Variants in BAIAP2L2 observed in about 807,000 individuals in gnomAD.
BAIAP2L2 encodes the protein BAR/IMD domain containing adaptor protein 2 like 2, also known as BAR/IMD domain-containing adapter protein 2-like 2.
A neutral mutation model predicts 60.4 loss-of-function variants in BAIAP2L2; 65 were observed. That is an observed-to-expected ratio of 1.08 (90% CI 0.88 to 1.32). BAIAP2L2 has a LOEUF of 1.32. BAIAP2L2 is among the 40% of genes most tolerant of loss of function. BAIAP2L2 has a pLI of 0.00. For synonymous variants in BAIAP2L2, 344 were observed against 301.7 expected (o/e 1.14, Z -1.45); for missense variants, 836 against 741.2 (o/e 1.13, Z -1.48).
chr22:38,098,035 G>C, intron 6 of BAIAP2L2, 28 bp downstream of exon 6: 2 of 977,974 alleles, frequency 2.0e-6, no homozygotes, highest in Non-Finnish European at 1.6e-6. Context: ...GCCCTTCCTG[G>C]CCCACCCCCG....
At chr22:38,101,724 C>T (rs1260812060) in intron 4 of BAIAP2L2, among the ~76,000 whole-genome samples, 19 of 151,774 alleles carry the variant, frequency 1.3e-4, no homozygotes, top group Non-Finnish European at 2.6e-4. Flanking sequence ...CATGGTGGCA[C>T]GCGCCTATAA....
intron 4 of BAIAP2L2, among the ~76,000 whole-genome samples, chr22:38,100,160 T>A (rs985268766): frequency 4.6e-5 from 7 of 152,056 alleles, no homozygotes; most frequent in African/African-American, 1.7e-4. Context: ...AAATGCCAGG[T>A]AGATGCTTCT....
intron 8 of BAIAP2L2, 130 bp from the exon 9 acceptor site, chr22:38,089,361 G>C (rs1225865856): frequency 2.1e-5 from 12 of 563,710 alleles, no homozygotes; most frequent in South Asian, 8.9e-5. Flanking sequence ...GGGCCACCAC[G>C]GGGGCGCGGA....
intron 11 of BAIAP2L2, 120 bp downstream of exon 11, chr22:38,087,004 A>AAAAC: frequency 1.6e-6 from 2 of 1,277,544 alleles, no homozygotes. Context: ...TCAAAAAAAA[A>AAAAC]AAAACAAAAC....
intron 4 of BAIAP2L2, among the ~76,000 whole-genome samples, chr22:38,105,339 CTT>C (rs1035690122): frequency 6.3e-5 from 6 of 95,008 alleles, no homozygotes; most frequent in South Asian, 9.3e-4. Context: ...TTTTTCTTTT[CTT>C]TTTTTTTTTT....
rs1475204907 is a variant in BAIAP2L2 at position 38,109,895 on chromosome 22, C to T, written c.51+580G>A. Among the ~76,000 whole-genome samples, 3 of 151,044 alleles carry T rather than the reference C, an allele frequency of 2.0e-5. No individual in the cohort carries two copies. In the East Asian group the frequency reaches 6.0e-4, roughly 30 times the overall value. ...TCTATCAAGCAGGGTGGTCATTTTCCACCTCACAGGTGGGTGGTGTGAGGC... is the reference window on the plus strand; with the variant it reads ...TCTATCAAGCAGGGTGGTCATTTTCTACCTCACAGGTGGGTGGTGTGAGGC... On this transcript the variant is annotated intron_variant, in intron 1 of 13. Coordinates refer to ENST00000381669, the MANE Select transcript of BAIAP2L2 (RefSeq NM_025045.6).
intron 9 of BAIAP2L2, 42 bp from the exon 10 acceptor site, chr22:38,089,006 T>C (rs1445007792): frequency 5.5e-6 from 8 of 1,465,582 alleles, no homozygotes; most frequent in Admixed American, 4.6e-5. Flanking sequence ...CAGGAAGTTC[T>C]TCCTGGCGTC....
intron 3 of BAIAP2L2, 137 bp from the exon 4 acceptor site, chr22:38,108,050 G>A: frequency 2.9e-6 from 3 of 1,034,070 alleles, no homozygotes; most frequent in Non-Finnish European, 2.9e-6. Context: ...CTTCCCATAT[G>A]GTTCTCTGGG....
At chr22:38,085,770 G>C (rs1213952958) in intron 12 of BAIAP2L2, 38 bp from the exon 13 acceptor site, 1 of 1,547,864 alleles carries the variant, frequency 6.5e-7, no homozygotes, top group African/African-American at 1.4e-5. Context: ...TTGGTGGGGA[G>C]AGGGGCAAGC....
chr22:38,101,407 C>T (rs961725546), intron 4 of BAIAP2L2, among the ~76,000 whole-genome samples: 3 of 131,970 alleles, frequency 2.3e-5, no homozygotes, highest in African/African-American at 5.9e-5. Context: ...AAAAGCCAGA[C>T]GTGGTGGTTC....
At chr22:38,109,100 G>C in intron 2 of BAIAP2L2, 33 bp downstream of exon 2, 1 of 1,575,334 alleles carries the variant, frequency 6.3e-7, no homozygotes. Context: ...AGAGGCCCAG[G>C]GCTGGGGCTC....
chr22:38,097,753 T>C (rs951016368), intron 6 of BAIAP2L2, among the ~76,000 whole-genome samples: 3 of 150,442 alleles, frequency 2.0e-5, no homozygotes, highest in African/African-American at 7.4e-5. Flanking sequence ...TTTGGCACCA[T>C]GTTCAAGCGA....
rs927956643 is a variant in BAIAP2L2 at position 38,108,421 on chromosome 22, CTG to C, written c.128-82_128-81del. On this transcript the variant is annotated intron_variant, in intron 2 of 13. Coordinates refer to ENST00000381669, the MANE Select transcript of BAIAP2L2 (RefSeq NM_025045.6). Reference sequence around the variant, plus strand: ...GGAGGCTCTTTTCATCTGGAGGGGACTGTGTCTGTCCTGGGTGGGGTGTGGGC... The same window carrying C: ...GGAGGCTCTTTTCATCTGGAGGGGACTGTCTGTCCTGGGTGGGGTGTGGGC... 13 of 1,140,024 alleles carry C rather than the reference CTG, an allele frequency of 1.1e-5. No individual in the cohort carries two copies. In the Middle Eastern group the frequency reaches 1.7e-3, roughly 148 times the overall value. The allele number at this position is 1,140,024 out of a possible 1,614,324, so 70.6% of individuals were successfully genotyped here.
At chr22:38,089,395 G>C (rs2086219720) in intron 8 of BAIAP2L2, 127 bp downstream of exon 8, 1 of 615,462 alleles carries the variant, frequency 1.6e-6, no homozygotes, top group Non-Finnish European at 2.3e-6. Context: ...CGGAAGGGCA[G>C]GCCGGGGGAT....
At chr22:38,097,344 T>G (rs1005671790) in intron 6 of BAIAP2L2, among the ~76,000 whole-genome samples, 166 bp from the exon 7 acceptor site, 5 of 151,362 alleles carry the variant, frequency 3.3e-5, no homozygotes, top group African/African-American at 4.8e-5. Flanking sequence ...TGCCCCATCA[T>G]CAGCAGCCTT....
At chr22:38,086,483 G>C in intron 11 of BAIAP2L2, 34 bp from the exon 12 acceptor site, 1 of 1,440,926 alleles carries the variant, frequency 6.9e-7, no homozygotes, top group South Asian at 1.4e-5. Flanking sequence ...AAGGAAAGGG[G>C]TTGGGGCCTG....
intron 8 of BAIAP2L2, 33 bp downstream of exon 8, chr22:38,089,489 C>A: frequency 1.7e-6 from 2 of 1,171,966 alleles, no homozygotes; most frequent in Non-Finnish European, 1.1e-6. Context: ...GCGGCGGGGG[C>A]GCGAACGGCG....
At position 38,085,279 on chromosome 22, in the gene BAIAP2L2, G is replaced by A; in HGVS notation, c.*21C>T. 1.2e-6 allele frequency: 2 copies of A among 1,611,640 alleles called. No homozygotes were observed. Among genetic ancestry groups the A allele is most frequent in the Non-Finnish European group, 1.7e-6 (2 of 1,178,024 alleles). ...CAGCCCCTGGGCAGGTGCACTGTGG[G>A]GTACGACCTCGGACCCCGCCTCAGC... On this transcript the variant is annotated 3_prime_UTR_variant, in exon 14 of 14. Transcript: ENST00000381669.
chr22:38,092,601 A>G (rs1451534707), intron 7 of BAIAP2L2, among the ~76,000 whole-genome samples: 2 of 152,208 alleles, frequency 1.3e-5, no homozygotes, highest in African/African-American at 4.8e-5. Flanking sequence ...ACTTATAAAT[A>G]GAACAAGAAG....
Sources: allele counts gnomAD v4.1 joint callset (sites outside exome capture counted in the v4.1 genomes callset), GRCh38; gene constraint gnomAD v4.1.1; transcripts MANE v1.5; gene names NCBI Gene and HGNC (gene_info 2026-07-23, HGNC 2026-07-21).